Variants in RNF216 observed in about 807,000 individuals in gnomAD.
RNF216 encodes E3 ubiquitin-protein ligase RNF216.
Under a neutral mutation model 110.8 loss-of-function variants are expected in RNF216, and 72 were observed. The observed-to-expected ratio is 0.65, with a 90% confidence interval of 0.54 to 0.79. The LOEUF (loss-of-function observed/expected upper bound fraction) is 0.79. RNF216 is among the 30% of genes least tolerant of loss of function. The pLI is 0.00. For synonymous variants in RNF216, 495 were observed against 407.5 expected, an observed-to-expected ratio of 1.21 and a Z score of -2.59; for missense variants, 1,342 against 1,141.2, an observed-to-expected ratio of 1.18 and a Z score of -2.54.
chr7:5,691,283 G>GAC (rs1791323126), intron 13 of RNF216, among the ~76,000 whole-genome samples: 2 of 152,204 alleles, frequency 1.3e-5, no homozygotes, highest in South Asian at 4.1e-4. Context: ...TGACTGCTAG[G>GAC]ACACTGTCTT....
intron 13 of RNF216, among the ~76,000 whole-genome samples, chr7:5,653,488 C>A (rs1037441699): frequency 1.3e-5 from 2 of 151,090 alleles, no homozygotes; most frequent in Non-Finnish European, 1.5e-5. Flanking sequence ...GTAGTCCCAG[C>A]CACTCAGGAG....
chr7:5,737,803 C>T (rs949857420), intron 5 of RNF216, among the ~76,000 whole-genome samples: 1 of 151,876 alleles, frequency 6.6e-6, no homozygotes, highest in Non-Finnish European at 1.5e-5. Flanking sequence ...TTAAATTTAC[C>T]ACCAGGCTGA....
intron 3 of RNF216, among the ~76,000 whole-genome samples, chr7:5,748,614 AC>A: frequency 3.8e-4 from 1 of 2,640 alleles, no homozygotes. Context: ...ATATACATAC[AC>A]ACACACACAC....
intron 15 of RNF216, among the ~76,000 whole-genome samples, chr7:5,629,754 G>A (rs1786947921): frequency 2.7e-5 from 4 of 149,078 alleles, no homozygotes; most frequent in Admixed American, 2.0e-4. Context: ...TTGAATCTGG[G>A]AGGCAGAGGC....
intron 3 of RNF216, among the ~76,000 whole-genome samples, chr7:5,750,427 G>C (rs146124434): frequency 2.8e-4 from 42 of 152,306 alleles, no homozygotes; most frequent in African/African-American, 9.4e-4. Context: ...TGGTCTTACT[G>C]TGATTATCTT....
At chr7:5,654,348 A>G (rs1399685530) in intron 13 of RNF216, among the ~76,000 whole-genome samples, 1 of 152,034 alleles carries the variant, frequency 6.6e-6, no homozygotes, top group Non-Finnish European at 1.5e-5. Context: ...ATGCTGAGGG[A>G]GCTGAGAACC....
At position 5,622,799 on chromosome 7, in the gene RNF216, T is replaced by C; in HGVS notation, c.*61A>G. ...TACAGACACCAGCCTTGGGGGAGGG[T>C]TCTCCATCCACACTCCTACCCCAAA... On this transcript the variant is annotated 3_prime_UTR_variant, in exon 17 of 17. Coordinates refer to ENST00000389902, the MANE Select transcript of RNF216 (RefSeq NM_207111.4). 1 of 1,464,776 alleles carries C rather than the reference T, an allele frequency of 6.8e-7. No homozygotes were observed. Among genetic ancestry groups the C allele is most frequent in the Non-Finnish European group, 9.3e-7 (1 of 1,080,780 alleles). 90.7% of individuals were successfully genotyped at this position (1,464,776 alleles called of 1,614,324 possible).
chr7:5,694,465 G>C (rs1791508351), intron 13 of RNF216, among the ~76,000 whole-genome samples: 1 of 152,162 alleles, frequency 6.6e-6, no homozygotes. Context: ...AAAACTTCCA[G>C]ATCAGCAAGA....
chr7:5,650,094 T>C (rs549104893), intron 14 of RNF216: 1 of 152,302 alleles, frequency 6.6e-6, no homozygotes, highest in Admixed American at 6.5e-5. Flanking sequence ...TAGGAATGTG[T>C]CATCTCTATG....
chr7:5,637,558 T>C (rs1787468712), intron 15 of RNF216, among the ~76,000 whole-genome samples: 2 of 152,166 alleles, frequency 1.3e-5, no homozygotes. Flanking sequence ...TTTCTTTCCC[T>C]TTTTTTGAGA....
chr7:5,771,310 G>A (rs528900954), intron 1 of RNF216, among the ~76,000 whole-genome samples: 1 of 151,970 alleles, frequency 6.6e-6, no homozygotes, highest in African/African-American at 2.4e-5. Context: ...GTTTCTAGAA[G>A]ATAACACAAA....
chr7:5,765,435 G>A (rs1254354049), intron 1 of RNF216, among the ~76,000 whole-genome samples: 1 of 152,046 alleles, frequency 6.6e-6, no homozygotes, highest in Non-Finnish European at 1.5e-5. Context: ...CTGCACTCCA[G>A]CCTAGGCAAC....
intron 13 of RNF216, among the ~76,000 whole-genome samples, chr7:5,676,042 T>A (rs1250127295): frequency 6.6e-6 from 1 of 150,888 alleles, no homozygotes; most frequent in African/African-American, 2.4e-5. Flanking sequence ...TGAGACAGAG[T>A]CTTGCTCTGT....
At position 5,752,904 on chromosome 7, in the gene RNF216, G is replaced by A. The variant is rs1795406669; in HGVS notation, c.143C>T (p.Thr48Ile). 4 of 1,612,256 alleles carry A rather than the reference G, an allele frequency of 2.5e-6. No homozygotes were observed. Among genetic ancestry groups the A allele is most frequent in the Non-Finnish European group, 3.4e-6 (4 of 1,179,210 alleles). The change falls in exon 3 of 17, where the codon ACC becomes ATC. Residue 48 changes from threonine (T) to isoleucine (I), a missense_variant. By Grantham distance (89) the Thr-to-Ile change is moderately conservative. Coordinates refer to ENST00000389902, the MANE Select transcript of RNF216 (RefSeq NM_207111.4). ...TTCTTCATGCTGCTGAGGAGCTGGG[G>A]TGACCAGCATTGGAATCCTTTCCTC... ...SDEERIPMLV[T>I]PAPQQHEEED...
chr7:5,741,174 T>G lies in RNF216; in HGVS notation c.843A>C (p.Gln281His), dbSNP rs1274588943. ...GPAFPRPEPQQGGISGPSSPQ... is the reference protein window; with the variant it reads ...GPAFPRPEPQHGGISGPSSPQ... ...GAGAAGAGGGGCCTGAAATCCCACC[T>G]TGCTGGGGTTCCGGCCTTGGAAAAG... The change falls in exon 4 of 17, where the codon CAA becomes CAC. Residue 281 changes from glutamine to histidine, a missense_variant. Gln to His is a conservative substitution (Grantham distance 24). Transcript: ENST00000389902. 4.3e-6 allele frequency: 7 copies of G among 1,614,128 alleles called. No homozygotes were observed. The highest frequency in any genetic ancestry group is 5.9e-6 in the Non-Finnish European group (7 of 1,180,022).
intron 1 of RNF216, among the ~76,000 whole-genome samples, chr7:5,762,511 T>TAATA (rs1254138963): frequency 3.3e-5 from 5 of 151,212 alleles, no homozygotes; most frequent in Non-Finnish European, 7.4e-5. Context: ...TAAAAAATAA[T>TAATA]AATAAATAAA....
intron 2 of RNF216, among the ~76,000 whole-genome samples, chr7:5,759,316 C>T (rs568670223): frequency 6.6e-6 from 1 of 152,250 alleles, no homozygotes; most frequent in Non-Finnish European, 1.5e-5. Flanking sequence ...CATTTCTTTA[C>T]AGCCAGTGGA....
At chr7:5,777,544 G>C (rs1376182834) in intron 1 of RNF216, 1 of 152,234 alleles carries the variant, frequency 6.6e-6, no homozygotes, top group Non-Finnish European at 1.5e-5. Flanking sequence ...GATGGGATCT[G>C]TGTATGTCAC....
chr7:5,712,517 G>C (rs1020178392), intron 12 of RNF216, among the ~76,000 whole-genome samples, 198 bp downstream of exon 12: 1 of 150,864 alleles, frequency 6.6e-6, no homozygotes, highest in African/African-American at 2.4e-5. Flanking sequence ...TCCATTAATA[G>C]AATTACTGGT....
Sources: gnomAD v4.1 joint callset for allele counts (sites outside exome capture counted in the v4.1 genomes callset) on GRCh38, gnomAD v4.1.1 for gene constraint, MANE v1.5 for transcripts, NCBI Gene and HGNC (gene_info 2026-07-23, HGNC 2026-07-21) for gene names.